LTBP1: variants seen among roughly 807,000 people sequenced by gnomAD.
LTBP1 encodes the protein latent-transforming growth factor beta-binding protein 1.
Under a neutral mutation model 207.6 loss-of-function variants are expected in LTBP1, and 129 were observed. The ratio of observed to expected loss-of-function variants is 0.62; its 90% CI spans 0.54 to 0.72. The LOEUF (loss-of-function observed/expected upper bound fraction) is 0.72. Ranked by LOEUF, LTBP1 falls within the 30% of genes least tolerant of loss-of-function variation. The pLI is 0.00. For missense variants in LTBP1, 2,281 were observed against 2,217.2 expected (o/e 1.03, Z -0.58); for synonymous variants, 963 against 833.7 (o/e 1.16, Z -2.67).
intron 24 of LTBP1, among the ~76,000 whole-genome samples, chr2:33,342,086 A>G (rs1226560242): frequency 6.6e-6 from 1 of 152,236 alleles, no homozygotes; most frequent in East Asian, 1.9e-4. Context: ...AACCGTAAGA[A>G]TAAAGAAGAA....
In LTBP1 at chr2:33,200,936, G is replaced by C. The variant is rs1423843694; in HGVS notation, c.1701+12085G>C. ...TCAAAACCACAATGAGATACCATCTGACACCAGTTAGAATGGCAATCATTA... is the reference window on the plus strand; with the variant it reads ...TCAAAACCACAATGAGATACCATCTCACACCAGTTAGAATGGCAATCATTA... On this transcript the variant is annotated intron_variant, in intron 7 of 33. Transcript: ENST00000404816. Among the ~76,000 whole-genome samples, 10 of 152,250 alleles carry C rather than the reference G, an allele frequency of 6.6e-5. No individual in the cohort carries two copies. The East Asian group carries it at 1.2e-3, about 18-fold the overall frequency.
chr2:33,318,993 A>C (rs1017540462), intron 24 of LTBP1, among the ~76,000 whole-genome samples: 3 of 152,090 alleles, frequency 2.0e-5, no homozygotes, highest in Admixed American at 6.6e-5. Flanking sequence ...CCAGCTACTC[A>C]GGGGACTGAG....
intron 31 of LTBP1, among the ~76,000 whole-genome samples, chr2:33,383,513 G>C (rs1235164121): frequency 6.6e-6 from 1 of 152,096 alleles, no homozygotes; most frequent in East Asian, 1.9e-4. Flanking sequence ...ACCTGGTCTA[G>C]AAATTGTAGT....
rs776093697 is a variant in LTBP1 at position 33,134,940 on chromosome 2, C to T, written c.1181C>T (p.Thr394Met). 59 of 1,612,186 alleles carry T rather than the reference C, an allele frequency of 3.7e-5. No homozygotes were observed. In the South Asian group the frequency reaches 5.2e-4, roughly 14 times the overall value. ...SENGHAADTLTATNFRVVICH... is the reference protein window; with the variant it reads ...SENGHAADTLMATNFRVVICH... The stretch of plus-strand genomic sequence containing the variant: ...AATGGTCATGCTGCCGACACCCTGA[C>T]GGCCACGAACTTCCGAGTGGGTGAG... Residue 394 changes from threonine (T) to methionine (M), a missense_variant, in exon 5 of 34, where the codon ACG becomes ATG. This residue lies in a region of LTBP1 where 55 missense variants were observed against 91.5 expected (regional missense o/e 0.60). Coordinates refer to ENST00000404816, the MANE Select transcript of LTBP1 (RefSeq NM_206943.4). The surrounding 1 kb of genome is among the most constrained non-coding windows in gnomAD (Gnocchi z 4.4).
intron 5 of LTBP1, among the ~76,000 whole-genome samples, chr2:33,168,399 C>CAAAAAAAAAAAAAAAA (rs10616798): frequency 1.3e-4 from 14 of 103,764 alleles, no homozygotes; most frequent in East Asian, 5.9e-4. Context: ...GTCTTTGTCT[C>CAAAAAAAAAAAAAAAA]AAAAAAAAAA....
chr2:33,397,511 T>TTTG (rs1247571966), intron 33 of LTBP1, among the ~76,000 whole-genome samples: 5 of 143,888 alleles, frequency 3.5e-5, no homozygotes, highest in African/African-American at 1.3e-4. Context: ...CAATTCTTTT[T>TTTG]TTTTTTTTTT....
chr2:33,124,611 T>C (rs914770274), intron 4 of LTBP1, among the ~76,000 whole-genome samples: 1 of 152,226 alleles, frequency 6.6e-6, no homozygotes, highest in Non-Finnish European at 1.5e-5. Context: ...AAAGCAAACA[T>C]CTTAAGATGA....
intron 2 of LTBP1, among the ~76,000 whole-genome samples, chr2:32,954,366 G>T (rs1030673742): frequency 1.3e-5 from 2 of 152,180 alleles, no homozygotes; most frequent in African/African-American, 4.8e-5. Context: ...GAAGTCCAAT[G>T]TCAAGGTGTT....
intron 31 of LTBP1, among the ~76,000 whole-genome samples, chr2:33,366,329 A>T (rs187902626): frequency 1.3e-5 from 2 of 152,348 alleles, no homozygotes; most frequent in African/African-American, 4.8e-5. Context: ...TATTATGAAT[A>T]TATTCTCAGA....
rs546108129 is a variant in LTBP1, at chr2:33,254,305, TTTTTTTAAA to T, written c.2167+1472_2167+1480del. Among the ~76,000 whole-genome samples the T allele has an allele frequency of 3.6e-4, 55 of 152,236 alleles. 1 individual carries two copies. The South Asian group carries it at 0.011, about 29-fold the overall frequency. Reference sequence around the variant, plus strand: ...TTGTGTCTGTATAATGTGTTTTTAATTTTTTTAAATTTTTTAAATGTTTAGCTTTTAAGT... The same window carrying T: ...TTGTGTCTGTATAATGTGTTTTTAATTTTTTTAAATGTTTAGCTTTTAAGT... On this transcript the variant is annotated intron_variant, in intron 11 of 33. Coordinates refer to ENST00000404816, the MANE Select transcript of LTBP1 (RefSeq NM_206943.4).
chr2:33,220,064 T>A, intron 8 of LTBP1, among the ~76,000 whole-genome samples: 1 of 152,224 alleles, frequency 6.6e-6, no homozygotes, highest in Non-Finnish European at 1.5e-5. Context: ...ATATGTTGGC[T>A]CATTTAATGT....
At chr2:33,360,101 A>G (rs899276533) in intron 26 of LTBP1, among the ~76,000 whole-genome samples, 1 of 152,212 alleles carries the variant, frequency 6.6e-6, no homozygotes, top group Non-Finnish European at 1.5e-5. Context: ...AATAGGCTGC[A>G]GGTTACGACA....
chr2:32,949,103 G>A (rs956653624), intron 2 of LTBP1, among the ~76,000 whole-genome samples, 158 bp downstream of exon 2: 4 of 152,152 alleles, frequency 2.6e-5, no homozygotes, highest in African/African-American at 9.7e-5. Flanking sequence ...GAAGGGCTGG[G>A]TCAGGGTAAT....
intron 3 of LTBP1, among the ~76,000 whole-genome samples, chr2:33,037,503 CTTA>C (rs1338232524): frequency 1.3e-5 from 2 of 152,016 alleles, no homozygotes; most frequent in African/African-American, 4.8e-5. Flanking sequence ...TGTATGTTGT[CTTA>C]TTATTTAGTC....
At chr2:33,269,610 C>T (rs1315926725) in intron 15 of LTBP1, among the ~76,000 whole-genome samples, 1 of 152,216 alleles carries the variant, frequency 6.6e-6, no homozygotes. Flanking sequence ...AGGCTTGACT[C>T]TGGTGTATCA....
At chr2:33,283,475 C>T (rs1349688523) in intron 19 of LTBP1, among the ~76,000 whole-genome samples, 4 of 118,404 alleles carry the variant, frequency 3.4e-5, no homozygotes, top group East Asian at 2.8e-4. Context: ...CTCGCTCTTT[C>T]GCCCAGGCTG....
In LTBP1 at chr2:33,353,853, T is replaced by A. The variant is rs897478896; in HGVS notation, c.4000+6343T>A. 2.7e-5 allele frequency among the ~76,000 whole-genome samples: 4 copies of A among 147,178 alleles called. No individual in the cohort carries two copies. The East Asian group carries it at 8.0e-4, about 29-fold the overall frequency. On this transcript the variant is annotated intron_variant, in intron 26 of 33. Transcript: ENST00000404816. ...AGAGGTACACTACAGGTTTTGTGCA[T>A]GTACGCCTTTTTTTTTTTTTTTTTG...
rs367614030 is a variant in LTBP1, at chr2:33,100,207, A to T, written c.864-10375A>T. ...TTCCGGCTACAGAGACTGACAGCTCATGCTGTGGTTCATGGGAACAGCTAA... is the reference window on the plus strand; with the variant it reads ...TTCCGGCTACAGAGACTGACAGCTCTTGCTGTGGTTCATGGGAACAGCTAA... On this transcript the variant is annotated intron_variant, in intron 3 of 33. Transcript: ENST00000404816. Among the ~76,000 whole-genome samples the T allele has an allele frequency of 2.6e-5, 4 of 152,224 alleles. No individual in the cohort carries two copies. The East Asian group carries it at 7.7e-4, about 29-fold the overall frequency.
In LTBP1 at chr2:33,172,456, A is replaced by G. The variant is rs567429141; in HGVS notation, c.1202-14400A>G. On this transcript the variant is annotated intron_variant, in intron 5 of 33. Coordinates refer to ENST00000404816, the MANE Select transcript of LTBP1 (RefSeq NM_206943.4). ...ATCAATTCAAAAAGAAGAGCTAACT[A>G]TCCTAAATATATATGCACCAAAAAC... Among the ~76,000 whole-genome samples, 43 of 152,348 alleles carry G rather than the reference A, an allele frequency of 2.8e-4. 1 individual carries two copies. The highest frequency in any genetic ancestry group is 1.0e-3 in the African/African-American group (42 of 41,576).
Sources: allele counts gnomAD v4.1 joint callset (sites outside exome capture counted in the v4.1 genomes callset), GRCh38; gene constraint gnomAD v4.1.1; regional missense constraint gnomAD v4.1.1; non-coding constraint Gnocchi (gnomAD v3.1); transcripts MANE v1.5; gene names NCBI Gene and HGNC (gene_info 2026-07-23, HGNC 2026-07-21).